The following DIAPH2 variants were observed in gnomAD, a reference collection of about 807,000 sequenced individuals.
The protein encoded by DIAPH2 is protein diaphanous homolog 2.
In DIAPH2, 35 loss-of-function variants were observed where a neutral mutation model predicts 92.7. The ratio of observed to expected loss-of-function variants is 0.38; its 90% CI spans 0.29 to 0.50. The LOEUF is 0.50. DIAPH2 is among the 20% of genes least tolerant of loss of function. The pLI, the probability that DIAPH2 is intolerant of heterozygous loss-of-function variation, is 0.94. For missense variants in DIAPH2, 701 were observed against 819.5 expected, an observed-to-expected ratio of 0.86 and a Z score of 1.77; for synonymous variants, 301 against 280.4, an observed-to-expected ratio of 1.07 and a Z score of -0.73.
intron 17 of DIAPH2, among the ~76,000 whole-genome samples, chrX:97,020,840 C>T (rs777274560): frequency 8.9e-6 from 1 of 111,924 alleles, no homozygotes; most frequent in South Asian, 3.8e-4. Flanking sequence ...TGGATTTTTC[C>T]ATTTAATATC....
chrX:97,506,648 T>C (rs756521807), intron 26 of DIAPH2, among the ~76,000 whole-genome samples: 1 of 110,509 alleles, frequency 9.0e-6, no homozygotes, highest in Non-Finnish European at 1.9e-5. Flanking sequence ...TTTGAACTGT[T>C]TTTCATTAAA....
chrX:97,326,243 C>T (rs1426514322), intron 23 of DIAPH2, among the ~76,000 whole-genome samples: 1 of 112,278 alleles, frequency 8.9e-6, no homozygotes, highest in African/African-American at 3.2e-5. Context: ...ATGCATTATC[C>T]ACTAAAATGA....
At chrX:96,808,599 T>A (rs2064648564) in intron 4 of DIAPH2, among the ~76,000 whole-genome samples, 1 of 112,062 alleles carries the variant, frequency 8.9e-6, no homozygotes, top group Non-Finnish European at 1.9e-5. Flanking sequence ...AACATTTTTA[T>A]TAAGCCATTT....
chrX:96,971,981 A>G (rs986498974), intron 17 of DIAPH2, among the ~76,000 whole-genome samples: 1 of 111,911 alleles, frequency 8.9e-6, no homozygotes, highest in South Asian at 3.7e-4. Context: ...ACTGTGGTCA[A>G]TAGGTGGCAG....
At chrX:97,479,166 G>C (rs1450350115) in intron 26 of DIAPH2, among the ~76,000 whole-genome samples, 1 of 110,737 alleles carries the variant, frequency 9.0e-6, no homozygotes, top group African/African-American at 3.3e-5. Flanking sequence ...GTTATCTATA[G>C]CAAATCTGTA....
intron 22 of DIAPH2, among the ~76,000 whole-genome samples, chrX:97,245,963 C>T (rs890120513): frequency 1.4e-4 from 15 of 104,461 alleles, no homozygotes; most frequent in East Asian, 3.0e-4. Flanking sequence ...AGTGCAGTGG[C>T]GGGATCTTGG....
intron 25 of DIAPH2, among the ~76,000 whole-genome samples, chrX:97,428,871 G>C (rs1273172550): frequency 8.9e-6 from 1 of 112,032 alleles, no homozygotes; most frequent in African/African-American, 3.2e-5. Flanking sequence ...AATCTTTAAA[G>C]TGTTTTTCAT....
intron 17 of DIAPH2, among the ~76,000 whole-genome samples, chrX:96,984,728 G>A (rs1452784958): frequency 2.7e-5 from 3 of 111,262 alleles, no homozygotes; most frequent in South Asian, 7.6e-4. Context: ...GGTTCTGCAC[G>A]TTCCTTAGCC....
chrX:97,275,262 G>T (rs1380450753), intron 23 of DIAPH2, among the ~76,000 whole-genome samples: 1 of 102,233 alleles, frequency 9.8e-6, no homozygotes, highest in Non-Finnish European at 2.0e-5. Context: ...GCGGCTGGCC[G>T]GGCAGGGGCT....
At chrX:97,029,289 A>T (rs1354825230) in intron 17 of DIAPH2, among the ~76,000 whole-genome samples, 1 of 109,162 alleles carries the variant, frequency 9.2e-6, no homozygotes, top group Non-Finnish European at 1.9e-5. Context: ...CTGGAACTAC[A>T]GGCACATGTC....
intron 4 of DIAPH2, among the ~76,000 whole-genome samples, chrX:96,880,019 G>A (rs1168202928): frequency 4.5e-5 from 5 of 111,650 alleles, no homozygotes; most frequent in Admixed American, 9.6e-5. Flanking sequence ...ATGAGCCACC[G>A]TCCCCGGCCC....
At chrX:96,977,426 A>G (rs947553895) in intron 17 of DIAPH2, among the ~76,000 whole-genome samples, 1 of 111,772 alleles carries the variant, frequency 8.9e-6, no homozygotes, top group Non-Finnish European at 1.9e-5. Flanking sequence ...ATATTAATAT[A>G]GTTGAGATGC....
chrX:97,089,484 A>T (rs752505700), intron 19 of DIAPH2, among the ~76,000 whole-genome samples: 5 of 111,567 alleles, frequency 4.5e-5, no homozygotes, highest in African/African-American at 1.6e-4. Context: ...GCCAGGATAA[A>T]CTCTGCTCAA....
chrX:96,955,495 G>T (rs1342914973), intron 15 of DIAPH2, among the ~76,000 whole-genome samples: 1 of 110,777 alleles, frequency 9.0e-6, no homozygotes, highest in Non-Finnish European at 1.9e-5. Flanking sequence ...GTTCCCCAAA[G>T]TCTTAACTCA....
intron 3 of DIAPH2, among the ~76,000 whole-genome samples, chrX:96,748,446 C>T (rs2064163972): frequency 8.9e-6 from 1 of 111,937 alleles, no homozygotes; most frequent in African/African-American, 3.2e-5. Context: ...AAGCAGAGAA[C>T]ACCACCTAAA....
intron 19 of DIAPH2, among the ~76,000 whole-genome samples, chrX:97,094,280 T>A (rs961080326): frequency 4.5e-5 from 5 of 111,734 alleles, no homozygotes; most frequent in Non-Finnish European, 9.4e-5. Context: ...TCAATGCGCC[T>A]TCTAGGGAAC....
intron 4 of DIAPH2, among the ~76,000 whole-genome samples, chrX:96,816,121 A>G (rs981072140): frequency 8.9e-6 from 1 of 112,500 alleles, no homozygotes; most frequent in African/African-American, 3.2e-5. Flanking sequence ...CCATAAAGTT[A>G]GCTATGTTCA....
chrX:97,382,088 C>T lies in DIAPH2; in HGVS notation c.3010-1821C>T, dbSNP rs1426724127. Among the ~76,000 whole-genome samples, 4 of 111,661 alleles carry T rather than the reference C, an allele frequency of 3.6e-5. No homozygotes were observed. In the Admixed American group the frequency reaches 3.8e-4, roughly 11 times the overall value. ...GCATTAGCCTTCTTTCTTTCCTCTGCTACTTGCCTCTTTTCATGTTACTTA... is the reference window on the plus strand; with the variant it reads ...GCATTAGCCTTCTTTCTTTCCTCTGTTACTTGCCTCTTTTCATGTTACTTA... On this transcript the variant is annotated intron_variant, in intron 24 of 26. Transcript: ENST00000324765.
intron 17 of DIAPH2, among the ~76,000 whole-genome samples, chrX:96,979,828 C>T (rs2065983272): frequency 8.9e-6 from 1 of 111,894 alleles, no homozygotes; most frequent in African/African-American, 3.2e-5. Flanking sequence ...TTCCCAGACT[C>T]CTTCACTGGC....
Sources: gnomAD v4.1 joint callset for allele counts (sites outside exome capture counted in the v4.1 genomes callset) on GRCh38, gnomAD v4.1.1 for gene constraint, MANE v1.5 for transcripts, NCBI Gene and HGNC (gene_info 2026-07-23, HGNC 2026-07-21) for gene names.